Variants in PSPC1 observed in about 807,000 individuals in gnomAD.
PSPC1 encodes paraspeckle component 1.
Under a neutral mutation model 51.6 loss-of-function variants are expected in PSPC1, and 14 were observed. The ratio of observed to expected loss-of-function variants is 0.27; its 90% confidence interval spans 0.18 to 0.42. The LOEUF (loss-of-function observed/expected upper bound fraction) is 0.42, where lower values mean the gene tolerates loss of function less well. Among genes scored for constraint, PSPC1 ranks in the 10% least tolerant of loss-of-function variants. PSPC1 has a pLI of 1.00. For missense variants in PSPC1, 406 were observed against 701.1 expected, an observed-to-expected ratio of 0.58 and a Z score of 4.75; for synonymous variants, 193 against 231.9, an observed-to-expected ratio of 0.83 and a Z score of 1.53.
At chr13:19,672,498 TA>T (rs58492348), downstream of PSPC1, 17,558 of 128,066 alleles carry the variant, frequency 0.14, 1,297 homozygotes, top group African/African-American at 0.23. Context: ...CTTCTGTGCT[TA>T]AAAAAAAAAA....
At chr13:19,774,481 C>G (rs1180137820) in intron 1 of PSPC1, among the ~76,000 whole-genome samples, 2 of 152,094 alleles carry the variant, frequency 1.3e-5, no homozygotes, top group Non-Finnish European at 2.9e-5. Context: ...CCCTCTGTAT[C>G]CATGGATTCA....
At chr13:19,704,730 T>C (rs1222907633) in intron 8 of PSPC1, among the ~76,000 whole-genome samples, 1 of 152,124 alleles carries the variant, frequency 6.6e-6, no homozygotes, top group African/African-American at 2.4e-5. Flanking sequence ...CTAATATATT[T>C]AAATATAATA....
chr13:19,746,718 T>A (rs542284069), intron 4 of PSPC1, among the ~76,000 whole-genome samples: 11 of 152,250 alleles, frequency 7.2e-5, no homozygotes, highest in South Asian at 4.1e-4. Context: ...AATTTTTTTT[T>A]AATGTAATGG....
intron 6 of PSPC1, among the ~76,000 whole-genome samples, chr13:19,722,609 C>T (rs1304170689): frequency 6.6e-6 from 1 of 152,068 alleles, no homozygotes; most frequent in Non-Finnish European, 1.5e-5. Context: ...GCCTGGCCAA[C>T]ACGGTGAAAC....
At chr13:19,732,574 C>T (rs1258868286) in intron 5 of PSPC1, among the ~76,000 whole-genome samples, 1 of 152,150 alleles carries the variant, frequency 6.6e-6, no homozygotes, top group East Asian at 1.9e-4. Context: ...AACAGGAGTT[C>T]AGATCAACTT....
chr13:19,760,944 C>A (rs534330825), intron 2 of PSPC1, among the ~76,000 whole-genome samples: 1 of 151,704 alleles, frequency 6.6e-6, no homozygotes, highest in Non-Finnish European at 1.5e-5. Context: ...GCCAAGATCA[C>A]GCCACTGCAC....
chr13:19,705,406 T>G, intron 8 of PSPC1, among the ~76,000 whole-genome samples: 1 of 152,108 alleles, frequency 6.6e-6, no homozygotes, highest in East Asian at 1.9e-4. Context: ...GGCAGGAGAA[T>G]TGCTTGAACC....
rs900183206 is a variant in PSPC1, at chr13:19,762,433, G to A, written c.675-3015C>T. On this transcript the variant is annotated intron_variant, in intron 2 of 8. Coordinates refer to ENST00000338910, the MANE Select transcript of PSPC1 (RefSeq NM_001354909.2). Reference sequence around the variant, plus strand: ...AAATTAGCCAGGCGTGGTGGCACACGCCTGTAGTCCCAGCTACTCGGGAGG... The same window carrying A: ...AAATTAGCCAGGCGTGGTGGCACACACCTGTAGTCCCAGCTACTCGGGAGG... 3.9e-5 allele frequency among the ~76,000 whole-genome samples: 6 copies of A among 152,190 alleles called. No individual in the cohort carries two copies. The South Asian group carries it at 6.2e-4, about 16-fold the overall frequency.
intron 1 of PSPC1, among the ~76,000 whole-genome samples, chr13:19,775,229 G>C (rs763163305): frequency 7.6e-4 from 116 of 152,246 alleles, no homozygotes; most frequent in Admixed American, 1.5e-3. Flanking sequence ...GCACGGGCCT[G>C]TAGTCCCAGC....
chr13:19,706,638 T>A (rs550084886), intron 7 of PSPC1, among the ~76,000 whole-genome samples: 1 of 152,154 alleles, frequency 6.6e-6, no homozygotes. Context: ...ACTACATATA[T>A]GATGATCTCA....
chr13:19,672,460 C>T (rs1182227306), downstream of PSPC1: 3 of 142,646 alleles, frequency 2.1e-5, no homozygotes, highest in African/African-American at 7.9e-5. Flanking sequence ...ATTTTCTTAA[C>T]TTGAAATTTT....
Position 19,720,449 on chromosome 13 carries a change from GGA to G in PSPC1, c.1158+9788_1158+9789del, listed in dbSNP as rs1437640373. On this transcript the variant is annotated intron_variant, in intron 6 of 8. Coordinates refer to ENST00000338910, the MANE Select transcript of PSPC1 (RefSeq NM_001354909.2). ...ATGAGTTAAGTACACATTTTATACA[GGA>G]GAGTATCCATTTCTGTTTGTGATAG... is the stretch of plus-strand genomic sequence containing the variant. Among the ~76,000 whole-genome samples, 4 of 152,310 alleles carry G rather than the reference GGA, an allele frequency of 2.6e-5. No individual in the cohort carries two copies. In the South Asian group the frequency reaches 8.3e-4, roughly 32 times the overall value.
rs546007408 is a variant in PSPC1, at chr13:19,775,337, G to C, written c.373-2794C>G. Among the ~76,000 whole-genome samples the C allele has an allele frequency of 5.3e-5, 8 of 151,496 alleles. No individual in the cohort carries two copies. In the East Asian group the frequency reaches 1.4e-3, roughly 26 times the overall value. ...ACTACACTCACGCCTGGGTGACAGA[G>C]CGAGACTCCGTCTCAAAAAAATAAA... is the stretch of plus-strand genomic sequence containing the variant. On this transcript the variant is annotated intron_variant, in intron 1 of 8. Transcript: ENST00000338910.
intron 5 of PSPC1, among the ~76,000 whole-genome samples, chr13:19,736,638 G>A (rs1186386214): frequency 3.3e-5 from 5 of 152,054 alleles, no homozygotes; most frequent in East Asian, 1.9e-4. Flanking sequence ...AGCCGAGATC[G>A]CGCCACTGCA....
At chr13:19,775,465 T>C (rs1198046530) in intron 1 of PSPC1, among the ~76,000 whole-genome samples, 4 of 152,090 alleles carry the variant, frequency 2.6e-5, no homozygotes, top group Non-Finnish European at 1.5e-5. Context: ...TGATTTAAAG[T>C]ATACAGGAGG....
Position 19,702,762 on chromosome 13 carries a change from A to G in PSPC1, c.*413T>C, listed in dbSNP as rs1291157469. 5.9e-6 allele frequency: 1 copy of G among 168,858 alleles called. No individual in the cohort carries two copies. The allele number at this position is 168,858 out of a possible 1,614,324, so 10.5% of individuals were successfully genotyped here. A position where few individuals can be genotyped will look rare whatever the true frequency, so the allele number is the denominator to read the frequency against. The stretch of plus-strand genomic sequence containing the variant: ...TTAGTGCTACTTGCGCAAATTAAAA[A>G]GCAAAATCATTTTCATTTTTAATGA... On this transcript the variant is annotated 3_prime_UTR_variant, in exon 9 of 9. Transcript: ENST00000338910.
At position 19,724,997 on chromosome 13, in the gene PSPC1, C is replaced by CAAAAAT. The variant is rs555308009; in HGVS notation, c.1158+5236_1158+5241dup. On this transcript the variant is annotated intron_variant, in intron 6 of 8. Coordinates refer to ENST00000338910, the MANE Select transcript of PSPC1 (RefSeq NM_001354909.2). Reference sequence around the variant, plus strand: ...CTGGCGAGACAGCAAGACTCCGTCTCAAAAATAAAAATAAAAATAAAAATA... The same window carrying CAAAAAT: ...CTGGCGAGACAGCAAGACTCCGTCTCAAAAATAAAAATAAAAATAAAAATAAAAATA... Among the ~76,000 whole-genome samples, 366 of 151,232 alleles carry CAAAAAT rather than the reference C, an allele frequency of 2.4e-3. 1 individual carries two copies. Among genetic ancestry groups the CAAAAAT allele is most frequent in the African/African-American group, 6.4e-3 (265 of 41,106 alleles).
intron 4 of PSPC1, among the ~76,000 whole-genome samples, chr13:19,746,839 G>C (rs1173887189): frequency 6.6e-6 from 1 of 152,162 alleles, no homozygotes; most frequent in Non-Finnish European, 1.5e-5. Flanking sequence ...GCTGGGTGTG[G>C]TGGCTCACGC....
intron 2 of PSPC1, among the ~76,000 whole-genome samples, chr13:19,769,728 C>T (rs987425766): frequency 2.0e-5 from 3 of 151,972 alleles, no homozygotes; most frequent in Non-Finnish European, 4.4e-5. Context: ...AGAGCGAAAA[C>T]TCCGTCTCAA....
Sources: gnomAD v4.1 joint callset for allele counts (sites outside exome capture counted in the v4.1 genomes callset) on GRCh38, gnomAD v4.1.1 for gene constraint, MANE v1.5 for transcripts, NCBI Gene and HGNC (gene_info 2026-07-23, HGNC 2026-07-21) for gene names.